ADGRG6: variants seen among roughly 807,000 people sequenced by gnomAD.
The protein encoded by ADGRG6 is adhesion G protein-coupled receptor G6.
A neutral mutation model predicts 142.4 loss-of-function variants in ADGRG6; 84 were observed. That is an observed-to-expected ratio of 0.59 (90% CI 0.49 to 0.71). ADGRG6 has a LOEUF of 0.71. Ranked by LOEUF, ADGRG6 falls within the 30% of genes least tolerant of loss-of-function variation. ADGRG6 has a pLI of 0.00. For missense variants in ADGRG6, 1,367 were observed against 1,466.6 expected, an observed-to-expected ratio of 0.93 and a Z score of 1.11; for synonymous variants, 521 against 520.5, an observed-to-expected ratio of 1.00 and a Z score of -0.01.
chr6:142,432,960 C>T (rs1385192599), intron 22 of ADGRG6, among the ~76,000 whole-genome samples: 1 of 152,154 alleles, frequency 6.6e-6, no homozygotes. Flanking sequence ...CTACCCAGAA[C>T]TAAAAATCAT....
intron 18 of ADGRG6, among the ~76,000 whole-genome samples, chr6:142,411,753 A>C (rs1776099297): frequency 6.6e-6 from 1 of 152,142 alleles, no homozygotes; most frequent in Non-Finnish European, 1.5e-5. Context: ...GGAGGGAGAG[A>C]AAGTTAAAGA....
intron 22 of ADGRG6, among the ~76,000 whole-genome samples, chr6:142,433,788 G>T (rs1777335872): frequency 6.6e-6 from 1 of 152,162 alleles, no homozygotes; most frequent in Non-Finnish European, 1.5e-5. Flanking sequence ...AGTCACGATG[G>T]CTCATGCCTG....
intron 4 of ADGRG6, among the ~76,000 whole-genome samples, chr6:142,380,642 C>T (rs1781728493): frequency 6.6e-6 from 1 of 152,192 alleles, no homozygotes; most frequent in East Asian, 1.9e-4. Context: ...AAATACCCAT[C>T]TCTACTTTCT....
chr6:142,327,159 A>G (rs1778817298), intron 2 of ADGRG6, among the ~76,000 whole-genome samples: 1 of 152,084 alleles, frequency 6.6e-6, no homozygotes, highest in South Asian at 2.1e-4. Context: ...GGGTAATATG[A>G]CTTTTCTAAA....
At chr6:142,331,039 G>A (rs377374499) in intron 2 of ADGRG6, among the ~76,000 whole-genome samples, 6 of 151,868 alleles carry the variant, frequency 4.0e-5, no homozygotes, top group African/African-American at 1.5e-4. Flanking sequence ...GTCACCGACT[G>A]GGGCCCAGGG....
intron 22 of ADGRG6, among the ~76,000 whole-genome samples, chr6:142,424,914 C>T (rs925981893): frequency 2.6e-5 from 4 of 151,636 alleles, no homozygotes; most frequent in East Asian, 1.9e-4. Flanking sequence ...TCAGGAGGAT[C>T]GATAGGAATT....
At chr6:142,373,069 A>G (rs2114882972) in intron 4 of ADGRG6, among the ~76,000 whole-genome samples, 1 of 152,312 alleles carries the variant, frequency 6.6e-6, no homozygotes, top group East Asian at 1.9e-4. Context: ...TACGGGTTCT[A>G]TAATTGATCC....
intron 2 of ADGRG6, among the ~76,000 whole-genome samples, chr6:142,342,404 CAA>C (rs1779699826): frequency 6.6e-6 from 1 of 151,886 alleles, no homozygotes; most frequent in Non-Finnish European, 1.5e-5. Flanking sequence ...AAGAATCAAA[CAA>C]AAGTTAAATG....
intron 2 of ADGRG6, among the ~76,000 whole-genome samples, chr6:142,349,101 A>G (rs1176372023): frequency 6.6e-6 from 1 of 152,226 alleles, no homozygotes; most frequent in Non-Finnish European, 1.5e-5. Context: ...TCTTTTTCTC[A>G]CTTCAATACT....
intron 2 of ADGRG6, among the ~76,000 whole-genome samples, chr6:142,320,322 A>C (rs1479883717): frequency 6.6e-6 from 1 of 152,102 alleles, no homozygotes; most frequent in East Asian, 1.9e-4. Flanking sequence ...AAATACATTA[A>C]AAACTTAAAT....
Position 142,415,840 on chromosome 6 carries a change from G to A in ADGRG6, c.2714G>A (p.Ser905Asn), listed in dbSNP as rs1776323652. The change falls in exon 20 of 25, where the codon AGC becomes AAC. Residue 905 changes from serine (S) to asparagine (N), a missense_variant. Physicochemically the swap from Ser to Asn is conservative, Grantham distance 46. Around this residue, in one of 3 missense-constraint regions of ADGRG6, gnomAD observed 286 missense variants for 371.4 expected, o/e 0.77. Coordinates refer to ENST00000367609, the MANE Select transcript of ADGRG6 (RefSeq NM_198569.3). ...DYPSKILMNL[S>N]TALLFLNLLF... ...CCCTCCAAAATCTTGATGAACCTGA[G>A]CACAGCCCTGCTGTTCCTGAATCTC... 1.1e-5 allele frequency: 18 copies of A among 1,612,446 alleles called. No individual in the cohort carries two copies. Among genetic ancestry groups the A allele is most frequent in the Non-Finnish European group, 1.5e-5 (18 of 1,178,736 alleles).
intron 2 of ADGRG6, among the ~76,000 whole-genome samples, chr6:142,346,703 G>C (rs1020600845): frequency 6.6e-6 from 1 of 152,064 alleles, no homozygotes; most frequent in African/African-American, 2.4e-5. Context: ...TCATAAAAAA[G>C]AACGAGTTCA....
chr6:142,304,885 A>G (rs1410979958), intron 1 of ADGRG6, among the ~76,000 whole-genome samples: 2 of 152,132 alleles, frequency 1.3e-5, no homozygotes, highest in Non-Finnish European at 2.9e-5. Flanking sequence ...CATATAAAGG[A>G]TATATTGATC....
intron 8 of ADGRG6, among the ~76,000 whole-genome samples, chr6:142,393,613 G>A (rs192871859): frequency 2.0e-4 from 30 of 152,210 alleles, no homozygotes; most frequent in Non-Finnish European, 2.8e-4. Context: ...GTGTCAAATT[G>A]TCATATAAGT....
chr6:142,381,800 A>G, intron 4 of ADGRG6, 151 bp from the exon 5 acceptor site: 1 of 459,734 alleles, frequency 2.2e-6, no homozygotes, highest in Non-Finnish European at 3.9e-6. Flanking sequence ...GAGAAAATTA[A>G]GGCACAGTGG....
chr6:142,432,910 A>T (rs1415353117), intron 22 of ADGRG6, among the ~76,000 whole-genome samples: 1 of 152,202 alleles, frequency 6.6e-6, no homozygotes, highest in Non-Finnish European at 1.5e-5. Flanking sequence ...CAAAAGAATA[A>T]TAGAGTATTA....
chr6:142,355,853 C>T (rs1467787301), intron 2 of ADGRG6, among the ~76,000 whole-genome samples: 2 of 151,936 alleles, frequency 1.3e-5, no homozygotes, highest in Admixed American at 6.6e-5. Flanking sequence ...GTAAGCAAGT[C>T]GATTTTTATA....
Position 142,405,598 on chromosome 6 carries a change from A to G in ADGRG6, c.2128-90A>G, listed in dbSNP as rs944414859. ...TGGTACTGGCTAATTTGAACTTGCA[A>G]TTGTTCACTCGCCTAACTATACATG... On this transcript the variant is annotated intron_variant, in intron 14 of 24. Coordinates refer to ENST00000367609, the MANE Select transcript of ADGRG6 (RefSeq NM_198569.3). The G allele has an allele frequency of 2.6e-5, 27 of 1,052,110 alleles. 1 individual carries two copies. Among genetic ancestry groups the G allele is most frequent in the Admixed American group, 4.1e-5 (2 of 48,506 alleles). The allele number at this position is 1,052,110 out of a possible 1,614,324, so 65.2% of individuals were successfully genotyped here. A position where few individuals can be genotyped will look rare whatever the true frequency, so the allele number is the denominator to read the frequency against.
intron 2 of ADGRG6, among the ~76,000 whole-genome samples, chr6:142,337,183 G>GTGTATATTA: frequency 6.6e-6 from 1 of 152,226 alleles, no homozygotes; most frequent in Non-Finnish European, 1.5e-5. Context: ...TTATTATACT[G>GTGTATATTA]TTATGTGTCT....
Sources: gnomAD v4.1 joint callset for allele counts (sites outside exome capture counted in the v4.1 genomes callset) on GRCh38, gnomAD v4.1.1 for gene constraint, gnomAD v4.1.1 regional missense constraint, MANE v1.5 for transcripts, NCBI Gene and HGNC (gene_info 2026-07-23, HGNC 2026-07-21) for gene names.